Variants in IQCM observed in about 807,000 individuals in gnomAD.
IQCM encodes the protein IQ motif containing M, also known as IQ domain-containing protein M.
IQCM carries 45 observed loss-of-function variants against 57.6 expected under a neutral mutation model. The observed-to-expected ratio is 0.78, with a 90% CI of 0.62 to 1.00. IQCM has a LOEUF of 1.00. IQCM is among the 50% of genes least tolerant of loss of function. IQCM has a pLI of 0.00. For synonymous variants in IQCM, 148 were observed against 158.9 expected, an observed-to-expected ratio of 0.93 and a Z score of 0.51; for missense variants, 468 against 511.6, an observed-to-expected ratio of 0.91 and a Z score of 0.82.
chr4:149,746,765 CTT>C (rs1767973436), intron 2 of IQCM, among the ~76,000 whole-genome samples: 1 of 152,204 alleles, frequency 6.6e-6, no homozygotes, highest in African/African-American at 2.4e-5. Flanking sequence ...TATTCCATTG[CTT>C]TTGTGTACTA....
intron 5 of IQCM, among the ~76,000 whole-genome samples, chr4:149,693,190 T>C (rs565621110): frequency 6.6e-6 from 1 of 152,300 alleles, no homozygotes; most frequent in South Asian, 2.1e-4. Flanking sequence ...TTCTCCTTCA[T>C]GGGCTCATTT....
intron 12 of IQCM, among the ~76,000 whole-genome samples, chr4:149,505,791 T>C (rs1182108732): frequency 6.6e-6 from 1 of 152,168 alleles, no homozygotes. Flanking sequence ...AAAATCAATA[T>C]AAAAAATCTG....
At chr4:149,554,341 T>G (rs1029656203) in intron 10 of IQCM, among the ~76,000 whole-genome samples, 9 of 152,130 alleles carry the variant, frequency 5.9e-5, no homozygotes, top group African/African-American at 2.2e-4. Context: ...TTTAGTGTTT[T>G]CATCCTTTTT....
At chr4:149,435,791 TA>T (rs111990886) in intron 12 of IQCM, among the ~76,000 whole-genome samples, 24 of 149,150 alleles carry the variant, frequency 1.6e-4, no homozygotes, top group African/African-American at 3.7e-4. Flanking sequence ...AATAAGAAGC[TA>T]AAAAAAAACA....
At chr4:149,495,746 A>G (rs188033536) in intron 12 of IQCM, among the ~76,000 whole-genome samples, 12 of 152,220 alleles carry the variant, frequency 7.9e-5, no homozygotes, top group Non-Finnish European at 1.0e-4. Context: ...AGTAAAAAAA[A>G]TAGGTAAGAT....
chr4:149,604,733 T>G (rs1484136963), intron 8 of IQCM, among the ~76,000 whole-genome samples: 1 of 152,206 alleles, frequency 6.6e-6, no homozygotes, highest in Non-Finnish European at 1.5e-5. Context: ...GGAAGTCAAG[T>G]GAGACATGTT....
intron 12 of IQCM, among the ~76,000 whole-genome samples, chr4:149,473,757 A>G (rs1323304042): frequency 6.6e-6 from 1 of 152,200 alleles, no homozygotes; most frequent in African/African-American, 2.4e-5. Flanking sequence ...TGGATTAAGA[A>G]AATGTGGCAT....
chr4:149,370,412 A>C (rs2110976883), intron 13 of IQCM, among the ~76,000 whole-genome samples: 1 of 152,268 alleles, frequency 6.6e-6, no homozygotes, highest in African/African-American at 2.4e-5. Flanking sequence ...TTTGAAGTAT[A>C]ATAATTTCTC....
chr4:149,665,961 G>A (rs948876201), intron 7 of IQCM: 1 of 152,146 alleles, frequency 6.6e-6, no homozygotes, highest in Non-Finnish European at 1.5e-5. Flanking sequence ...CTACATCAGT[G>A]ATTTGCCAGG....
In IQCM at chr4:149,485,286, G is replaced by C. The variant is rs1340817592; in HGVS notation, c.1229-51729C>G. Among the ~76,000 whole-genome samples the C allele has an allele frequency of 2.0e-5, 3 of 151,866 alleles. No individual in the cohort carries two copies. The East Asian group carries it at 5.8e-4, about 30-fold the overall frequency. ...GGAAGTTCTCTGATATTATTCCTTA[G>C]AATAAACTTTCTATTCCTATCTCTT... On this transcript the variant is annotated intron_variant, in intron 12 of 13. Coordinates refer to ENST00000636793, the MANE Select transcript of IQCM (RefSeq NM_001363507.2).
Position 149,742,682 on chromosome 4 carries a change from C to A in IQCM, c.10G>T (p.Glu4Ter). MTT[E>*]EAMPEKAKCP... is the part of the protein sequence containing the mutation. ...TTTGCTTTTTCAGGCATAGCCTCTT[C>A]AGTAGTCATGAGGGGCAGTTAGAAT... is the stretch of plus-strand genomic sequence containing the variant. Residue 4 changes from glutamate (E) to a stop codon, truncating the protein, a stop_gained, in exon 3 of 14, where the codon GAA becomes TAA. Coordinates refer to ENST00000636793, the MANE Select transcript of IQCM (RefSeq NM_001363507.2). LOFTEE classifies it high-confidence loss of function. The A allele has an allele frequency of 8.1e-7, 1 of 1,231,424 alleles. No homozygotes were observed. The highest frequency in any genetic ancestry group is 1.0e-6 in the Non-Finnish European group (1 of 987,428). 76.3% of individuals were successfully genotyped at this position (1,231,424 alleles called of 1,614,324 possible).
chr4:149,651,232 T>C (rs962595057), intron 7 of IQCM, among the ~76,000 whole-genome samples: 2 of 152,104 alleles, frequency 1.3e-5, no homozygotes, highest in East Asian at 1.9e-4. Flanking sequence ...AAAAGGGAGA[T>C]AAAGTGCTTA....
intron 12 of IQCM, among the ~76,000 whole-genome samples, chr4:149,542,181 C>T (rs1387435937): frequency 1.3e-5 from 2 of 152,010 alleles, no homozygotes; most frequent in Non-Finnish European, 2.9e-5. Flanking sequence ...TTTAAAATTA[C>T]ATTGGAGTGG....
chr4:149,576,052 T>C (rs1470743380), intron 9 of IQCM, among the ~76,000 whole-genome samples: 1 of 151,846 alleles, frequency 6.6e-6, no homozygotes, highest in Non-Finnish European at 1.5e-5. Context: ...GCACTACTTA[T>C]TATAAATTAA....
intron 7 of IQCM, among the ~76,000 whole-genome samples, chr4:149,661,248 G>T (rs929955094): frequency 3.9e-5 from 6 of 152,000 alleles, no homozygotes; most frequent in Admixed American, 6.6e-5. Flanking sequence ...TGTTAATGTG[G>T]TATATCACAT....
chr4:149,622,777 C>T (rs988882458), intron 7 of IQCM, among the ~76,000 whole-genome samples: 8 of 152,128 alleles, frequency 5.3e-5, no homozygotes, highest in Admixed American at 3.3e-4. Context: ...GCCCTCTTAA[C>T]GAATTCAAAG....
rs538531117 is a variant in IQCM at position 149,733,553 on chromosome 4, T to C, written c.121-45A>G. The C allele has an allele frequency of 5.6e-5, 53 of 944,096 alleles. No individual in the cohort carries two copies. In the South Asian group the frequency reaches 2.4e-3, roughly 43 times the overall value. The allele number at this position is 944,096 out of a possible 1,614,324, so 58.5% of individuals were successfully genotyped here. Reference sequence around the variant, plus strand: ...AGATTTTGGCAAAATTTAATTTTAGTATGCATTATTTAATAAAGTTATATA... The same window carrying C: ...AGATTTTGGCAAAATTTAATTTTAGCATGCATTATTTAATAAAGTTATATA... On this transcript the variant is annotated intron_variant, in intron 4 of 13. Transcript: ENST00000636793.
At chr4:149,771,640 C>T (rs76528471) in intron 2 of IQCM, among the ~76,000 whole-genome samples, 3,396 of 151,980 alleles carry the variant, frequency 0.022, 65 homozygotes, top group South Asian at 0.035. Flanking sequence ...ATGTTCAGAT[C>T]GATTTTATAA....
chr4:149,411,853 A>G (rs1437570067), intron 13 of IQCM, among the ~76,000 whole-genome samples: 1 of 152,176 alleles, frequency 6.6e-6, no homozygotes, highest in Non-Finnish European at 1.5e-5. Context: ...ATGTCCTATG[A>G]CACACAACTG....
Sources: allele counts gnomAD v4.1 joint callset (sites outside exome capture counted in the v4.1 genomes callset), GRCh38; gene constraint gnomAD v4.1.1; transcripts MANE v1.5; gene names NCBI Gene and HGNC (gene_info 2026-07-23, HGNC 2026-07-21).